The following ELMO1 variants were observed in gnomAD, a reference collection of about 807,000 sequenced individuals.
The protein encoded by ELMO1 is engulfment and cell motility protein 1.
ELMO1 carries 26 observed loss-of-function variants against 98.9 expected under a neutral mutation model. That is an observed-to-expected ratio of 0.26 (90% confidence interval 0.19 to 0.36). The LOEUF is 0.36. Among genes scored for constraint, ELMO1 ranks in the 10% least tolerant of loss-of-function variants. ELMO1 has a pLI of 1.00. For missense variants in ELMO1, 627 were observed against 935.2 expected (o/e 0.67, Z 4.30); for synonymous variants, 346 against 346.0 (o/e 1.00, Z 0.00).
intron 4 of ELMO1, among the ~76,000 whole-genome samples, chr7:37,296,577 C>A (rs577154836): frequency 2.0e-5 from 3 of 152,158 alleles, no homozygotes; most frequent in Non-Finnish European, 2.9e-5. Context: ...TTCACAGACC[C>A]AGATCACATT....
At chr7:37,177,749 T>C (rs1790571724) in intron 13 of ELMO1, among the ~76,000 whole-genome samples, 1 of 152,222 alleles carries the variant, frequency 6.6e-6, no homozygotes. Context: ...GGCCCTTCTT[T>C]TCCTTGACTC....
At chr7:37,140,788 A>C (rs1292007841) in intron 13 of ELMO1, among the ~76,000 whole-genome samples, 1 of 152,240 alleles carries the variant, frequency 6.6e-6, no homozygotes, top group Non-Finnish European at 1.5e-5. Flanking sequence ...AAAATGCTCA[A>C]CATCAGTAAT....
intron 6 of ELMO1, among the ~76,000 whole-genome samples, chr7:37,248,076 T>C (rs1429991040): frequency 1.3e-5 from 2 of 152,140 alleles, no homozygotes; most frequent in East Asian, 1.9e-4. Flanking sequence ...AACTCAGTGC[T>C]GAGTCACAGT....
intron 13 of ELMO1, among the ~76,000 whole-genome samples, chr7:37,202,009 G>T (rs1214651643): frequency 2.0e-5 from 3 of 152,144 alleles, no homozygotes; most frequent in Non-Finnish European, 4.4e-5. Context: ...GTCCCCCAAG[G>T]ATCCTTCAGG....
intron 16 of ELMO1, among the ~76,000 whole-genome samples, chr7:36,949,461 G>A (rs28583474): frequency 0.058 from 8,732 of 151,658 alleles, 768 homozygotes; most frequent in African/African-American, 0.19. Context: ...CAATGTGCAT[G>A]GCCACACCCT....
At chr7:37,416,171 G>A (rs889182982) in intron 1 of ELMO1, among the ~76,000 whole-genome samples, 58 of 152,088 alleles carry the variant, frequency 3.8e-4, no homozygotes, top group African/African-American at 1.4e-3. Flanking sequence ...TCAAATTGTT[G>A]CACTTACTTC....
chr7:37,342,700 C>G lies in ELMO1; in HGVS notation c.-10G>C, dbSNP rs372912437. 1.1e-5 allele frequency: 17 copies of G among 1,607,336 alleles called. No individual in the cohort carries two copies. The highest frequency in any genetic ancestry group is 1.4e-5 in the Non-Finnish European group (17 of 1,177,388). The stretch of plus-strand genomic sequence containing the variant: ...CCGCGGGTGGCGGCATTGTAAGTCC[C>G]CAAAATGTTCAAAGCCAGTGGGAAT... On this transcript the variant is annotated 5_prime_UTR_variant, in exon 2 of 22. Coordinates refer to ENST00000310758, the MANE Select transcript of ELMO1 (RefSeq NM_014800.11). The surrounding 1 kb of genome is among the most constrained non-coding windows in gnomAD (Gnocchi z 4.3).
At chr7:36,973,170 T>A (rs1790126793) in intron 16 of ELMO1, among the ~76,000 whole-genome samples, 3 of 152,206 alleles carry the variant, frequency 2.0e-5, no homozygotes, top group South Asian at 4.1e-4. Context: ...TCCACTTGAG[T>A]GGTACAACCC....
At chr7:37,005,620 A>G (rs1793032403) in intron 16 of ELMO1, among the ~76,000 whole-genome samples, 1 of 142,656 alleles carries the variant, frequency 7.0e-6, no homozygotes, top group Non-Finnish European at 1.5e-5. Context: ...TGAATTCAGG[A>G]TGCAGAGGTT....
chr7:36,868,976 T>C (rs1021733123), intron 20 of ELMO1, among the ~76,000 whole-genome samples: 1 of 152,178 alleles, frequency 6.6e-6, no homozygotes, highest in Non-Finnish European at 1.5e-5. Context: ...ATGTGCAGCA[T>C]ATGGTAATCC....
At chr7:36,966,376 T>C (rs1451018515) in intron 16 of ELMO1, among the ~76,000 whole-genome samples, 1 of 152,196 alleles carries the variant, frequency 6.6e-6, no homozygotes, top group East Asian at 1.9e-4. Context: ...CACTGAATAT[T>C]AAGACCACGG....
intron 15 of ELMO1, among the ~76,000 whole-genome samples, chr7:37,086,336 G>C (rs1783772587): frequency 1.4e-5 from 2 of 147,434 alleles, no homozygotes; most frequent in Non-Finnish European, 3.0e-5. Flanking sequence ...ATGACTGTGT[G>C]TGTGTGTGTG....
At chr7:36,966,658 G>C (rs887468144) in intron 16 of ELMO1, among the ~76,000 whole-genome samples, 1 of 152,196 alleles carries the variant, frequency 6.6e-6, no homozygotes, top group African/African-American at 2.4e-5. Context: ...TGTATGATTA[G>C]CATCAATGAA....
At chr7:36,888,315 A>G (rs1457247983) in intron 17 of ELMO1, among the ~76,000 whole-genome samples, 1 of 152,190 alleles carries the variant, frequency 6.6e-6, no homozygotes, top group African/African-American at 2.4e-5. Flanking sequence ...TGCTGCAAAG[A>G]TATCATGATA....
intron 15 of ELMO1, among the ~76,000 whole-genome samples, chr7:37,073,136 C>A (rs917788164): frequency 6.6e-6 from 1 of 152,032 alleles, no homozygotes; most frequent in Non-Finnish European, 1.5e-5. Flanking sequence ...GTAGATATAG[C>A]CAGAGGTGTT....
rs150344681 is a variant in ELMO1, at chr7:37,138,118, A to G, written c.1087-4884T>C. Among the ~76,000 whole-genome samples, 348 of 152,322 alleles carry G rather than the reference A, an allele frequency of 2.3e-3. 1 individual carries two copies. The highest frequency in any genetic ancestry group is 7.8e-3 in the African/African-American group (326 of 41,572). On this transcript the variant is annotated intron_variant, in intron 13 of 21. Transcript: ENST00000310758. ...AAAGTTCATAGGATTAAATGCCTACATCGGAAGTCTGAAAGAGCACAAACA... is the reference window on the plus strand; with the variant it reads ...AAAGTTCATAGGATTAAATGCCTACGTCGGAAGTCTGAAAGAGCACAAACA...
intron 13 of ELMO1, among the ~76,000 whole-genome samples, chr7:37,145,930 T>C (rs1387391863): frequency 6.6e-6 from 1 of 152,170 alleles, no homozygotes; most frequent in Non-Finnish European, 1.5e-5. Flanking sequence ...TGTCAAATGA[T>C]ACATGCCTCC....
intron 7 of ELMO1, among the ~76,000 whole-genome samples, chr7:37,233,743 C>T (rs548183277): frequency 6.6e-6 from 1 of 152,246 alleles, no homozygotes; most frequent in South Asian, 2.1e-4. Context: ...GTGGTCTATA[C>T]ATCCCTCTGT....
intron 13 of ELMO1, among the ~76,000 whole-genome samples, chr7:37,145,880 G>T (rs1209797264): frequency 6.6e-6 from 1 of 152,134 alleles, no homozygotes; most frequent in African/African-American, 2.4e-5. Flanking sequence ...GTGGTTCAAG[G>T]TCATGTTCTG....
Sources: allele counts gnomAD v4.1 joint callset (sites outside exome capture counted in the v4.1 genomes callset), GRCh38; gene constraint gnomAD v4.1.1; non-coding constraint Gnocchi (gnomAD v3.1); transcripts MANE v1.5; gene names NCBI Gene and HGNC (gene_info 2026-07-23, HGNC 2026-07-21).